Variants in CHST8 observed in about 807,000 individuals in gnomAD.
CHST8 encodes the protein carbohydrate sulfotransferase 8.
A neutral mutation model predicts 15.0 loss-of-function variants in CHST8; 10 were observed. The observed-to-expected ratio is 0.67, with a 90% confidence interval of 0.41 to 1.13. The LOEUF (loss-of-function observed/expected upper bound fraction) is 1.13, where lower values mean the gene tolerates loss of function less well. CHST8 is among the 50% of genes most tolerant of loss of function. The probability of loss-of-function intolerance (pLI) is 0.00; values close to 1 mark genes in which losing one functional copy is unlikely to be tolerated. For synonymous variants in CHST8, 259 were observed against 256.6 expected (o/e 1.01, Z -0.09); for missense variants, 634 against 608.2 (o/e 1.04, Z -0.45).
chr19:33,650,789 A>G (rs570881359), intron 1 of CHST8, among the ~76,000 whole-genome samples: 2 of 150,936 alleles, frequency 1.3e-5, no homozygotes, highest in African/African-American at 4.9e-5. Context: ...CTCACTGCAA[A>G]CCTTCGCCTC....
chr19:33,631,466 T>C (rs929128461), intron 1 of CHST8, among the ~76,000 whole-genome samples: 1 of 152,096 alleles, frequency 6.6e-6, no homozygotes, highest in Non-Finnish European at 1.5e-5. Flanking sequence ...CTGCTGTCAG[T>C]GGTCATCACT....
At chr19:33,650,452 T>G (rs1324065106) in intron 1 of CHST8, among the ~76,000 whole-genome samples, 1 of 151,240 alleles carries the variant, frequency 6.6e-6, no homozygotes, top group South Asian at 2.1e-4. Flanking sequence ...GTTGGAAGGA[T>G]TTTTTTAATC....
Position 33,689,174 on chromosome 19 carries a change from A to C in CHST8, c.-86-2A>C. On this transcript the variant is annotated splice_acceptor_variant, in intron 2 of 4. Transcript: ENST00000650847. LOFTEE classifies it low-confidence loss of function (5UTR_SPLICE). ...GATGACTATCCCTCCTCTGCCCCGT[A>C]GATCTCGGCCTGATGGACGCCTGGT... 5.1e-5 allele frequency: 73 copies of C among 1,429,404 alleles called. No individual in the cohort carries two copies. Among genetic ancestry groups the C allele is most frequent in the Middle Eastern group, 2.0e-4 (1 of 4,902 alleles). The allele number at this position is 1,429,404 out of a possible 1,614,324, so 88.5% of individuals were successfully genotyped here. A position where few individuals can be genotyped will look rare whatever the true frequency, so the allele number is the denominator to read the frequency against.
At chr19:33,666,276 G>C (rs1229606990) in intron 1 of CHST8, among the ~76,000 whole-genome samples, 1 of 152,200 alleles carries the variant, frequency 6.6e-6, no homozygotes, top group Non-Finnish European at 1.5e-5. Flanking sequence ...AGCCCTCCAG[G>C]CTGAGTGTGA....
chr19:33,716,072 G>A (rs1599578590), intron 3 of CHST8, among the ~76,000 whole-genome samples: 1 of 152,186 alleles, frequency 6.6e-6, no homozygotes, highest in Non-Finnish European at 1.5e-5. Flanking sequence ...ACTTAACACT[G>A]CAGGGTGGAC....
At chr19:33,692,816 G>A (rs1438613813) in intron 3 of CHST8, among the ~76,000 whole-genome samples, 2 of 152,022 alleles carry the variant, frequency 1.3e-5, no homozygotes, top group Admixed American at 6.6e-5. Flanking sequence ...TTATCATAGC[G>A]AATTTGGAAC....
In CHST8 at chr19:33,769,525, T is replaced by A. The variant is rs533554812; in HGVS notation, c.131-1888T>A. Among the ~76,000 whole-genome samples the A allele has an allele frequency of 5.9e-5, 9 of 152,158 alleles. No individual in the cohort carries two copies. In the South Asian group the frequency reaches 1.9e-3, roughly 32 times the overall value. On this transcript the variant is annotated intron_variant, in intron 3 of 4. Coordinates refer to ENST00000650847, the MANE Select transcript of CHST8 (RefSeq NM_001127895.2). ...GGGTCCCTTCTAGTGAAGGGAGCTG[T>A]CATCATCGGCTGCGGGAGAGAAAGG...
intron 3 of CHST8, among the ~76,000 whole-genome samples, chr19:33,753,586 ATCTCCCACCATCCCC>A: frequency 1.1e-4 from 1 of 9,142 alleles, no homozygotes; most frequent in South Asian, 5.6e-3. Context: ...TCCCCCCTCC[ATCTCCCACCATCCCC>A]CACCAACCTC....
At chr19:33,696,669 C>T (rs569843909) in intron 3 of CHST8, among the ~76,000 whole-genome samples, 4 of 152,102 alleles carry the variant, frequency 2.6e-5, no homozygotes, top group East Asian at 3.9e-4. Flanking sequence ...TTCCCCAGAC[C>T]GTGGAAAAAT....
intron 3 of CHST8, among the ~76,000 whole-genome samples, chr19:33,768,839 T>C (rs1401701558): frequency 6.6e-6 from 1 of 152,180 alleles, no homozygotes; most frequent in Non-Finnish European, 1.5e-5. Flanking sequence ...GGGTTGGGAA[T>C]AGCTTATGGC....
intron 3 of CHST8, among the ~76,000 whole-genome samples, chr19:33,719,431 A>C (rs1973736032): frequency 1.3e-5 from 2 of 152,110 alleles, no homozygotes; most frequent in African/African-American, 4.8e-5. Context: ...CTCACTGAGG[A>C]ATTGTTCTAG....
In CHST8 at chr19:33,638,772, T is replaced by C. The variant is rs574448199; in HGVS notation, c.-164+16476T>C. ...AGGGCTTTGTAATTTATAGTTCACC[T>C]TCGTGGTTCTCCAAGTGACCTTGGA... On this transcript the variant is annotated intron_variant, in intron 1 of 4. Transcript: ENST00000650847. 4.6e-5 allele frequency among the ~76,000 whole-genome samples: 7 copies of C among 152,250 alleles called. No homozygotes were observed. In the South Asian group the frequency reaches 1.5e-3, roughly 32 times the overall value.
At chr19:33,653,927 G>A (rs1371004054) in intron 1 of CHST8, among the ~76,000 whole-genome samples, 1 of 152,096 alleles carries the variant, frequency 6.6e-6, no homozygotes, top group East Asian at 1.9e-4. Flanking sequence ...TAAGTGATCC[G>A]GAAGGACCCT....
chr19:33,658,693 T>C (rs10410407), intron 1 of CHST8, among the ~76,000 whole-genome samples: 38,011 of 152,084 alleles, frequency 0.25, 5,607 homozygotes, highest in African/African-American at 0.38. Context: ...GAGGTTTTTC[T>C]CTTTGTTTTG....
At chr19:33,760,597 G>A (rs1456408091) in intron 3 of CHST8, among the ~76,000 whole-genome samples, 1 of 151,926 alleles carries the variant, frequency 6.6e-6, no homozygotes, top group African/African-American at 2.4e-5. Context: ...GGGATTAAAG[G>A]TGTAAACCAC....
At chr19:33,657,561 C>T (rs1972527755) in intron 1 of CHST8, among the ~76,000 whole-genome samples, 1 of 151,518 alleles carries the variant, frequency 6.6e-6, no homozygotes, top group Non-Finnish European at 1.5e-5. Context: ...CATAAGCCAC[C>T]ACACCTGGCC....
chr19:33,632,070 G>A (rs1181758316), intron 1 of CHST8, among the ~76,000 whole-genome samples: 1 of 152,112 alleles, frequency 6.6e-6, no homozygotes, highest in East Asian at 1.9e-4. Context: ...AGAGGCTTAG[G>A]GGGCAGGCAG....
chr19:33,688,571 C>T (rs1036499630), intron 2 of CHST8, among the ~76,000 whole-genome samples: 6 of 152,180 alleles, frequency 3.9e-5, no homozygotes, highest in African/African-American at 1.4e-4. Flanking sequence ...GACTGACATA[C>T]GCCAACCCAT....
intron 3 of CHST8, among the ~76,000 whole-genome samples, chr19:33,751,924 C>T (rs1041074618): frequency 5.9e-5 from 9 of 152,210 alleles, no homozygotes; most frequent in African/African-American, 2.2e-4. Context: ...TTCCCTCCAA[C>T]GGCGCCAGGA....
Sources: gnomAD v4.1 joint callset for allele counts (sites outside exome capture counted in the v4.1 genomes callset) on GRCh38, gnomAD v4.1.1 for gene constraint, MANE v1.5 for transcripts, NCBI Gene and HGNC (gene_info 2026-07-23, HGNC 2026-07-21) for gene names.